PIK3C3: variants seen among roughly 807,000 people sequenced by gnomAD.
PIK3C3 encodes the protein PI3-kinase type 3.
PIK3C3 carries 95 observed loss-of-function variants against 126.1 expected under a neutral mutation model. The observed-to-expected ratio is 0.75, with a 90% CI of 0.64 to 0.89. PIK3C3 has a LOEUF of 0.89. Ranked by LOEUF, PIK3C3 falls within the 40% of genes least tolerant of loss-of-function variation. The pLI, the probability that PIK3C3 is intolerant of heterozygous loss-of-function variation, is 0.00. For synonymous variants in PIK3C3, 374 were observed against 360.0 expected (o/e 1.04, Z -0.44); for missense variants, 829 against 1,063.2 (o/e 0.78, Z 3.06).
At chr18:42,073,175 T>G (rs1214104320) in intron 24 of PIK3C3, among the ~76,000 whole-genome samples, 1 of 152,186 alleles carries the variant, frequency 6.6e-6, no homozygotes, top group African/African-American at 2.4e-5. Flanking sequence ...AAGTTCCAGC[T>G]CAAGATACTA....
intron 4 of PIK3C3, among the ~76,000 whole-genome samples, chr18:41,973,119 T>G (rs1390169820): frequency 6.6e-6 from 1 of 152,234 alleles, no homozygotes; most frequent in South Asian, 2.1e-4. Flanking sequence ...ATTGGGATTA[T>G]CTACCTGGGT....
intron 6 of PIK3C3, among the ~76,000 whole-genome samples, chr18:41,992,596 C>T (rs1321770125): frequency 6.6e-6 from 1 of 152,106 alleles, no homozygotes; most frequent in East Asian, 1.9e-4. Flanking sequence ...TGTTGAATTA[C>T]CTTTCTCACA....
chr18:41,981,636 A>G (rs1300453404), intron 4 of PIK3C3, among the ~76,000 whole-genome samples: 3 of 152,130 alleles, frequency 2.0e-5, no homozygotes, highest in African/African-American at 7.2e-5. Flanking sequence ...ATTATTTTAT[A>G]CAACTGCATT....
At position 42,084,260 on chromosome 18, in the gene PIK3C3, C is replaced by T. The variant is rs550332788; in HGVS notation, c.*3123C>T. 7.2e-5 allele frequency: 11 copies of T among 152,220 alleles called. No individual in the cohort carries two copies. The highest frequency in any genetic ancestry group is 1.3e-4 in the Non-Finnish European group (9 of 68,024). 9.4% of individuals were successfully genotyped at this position (152,220 alleles called of 1,614,324 possible). ...TAAACCAGATTGAGATTCTAAGGAG[C>T]ATTTTGTAAGTAATTACTAATGTTT... is the stretch of plus-strand genomic sequence containing the variant. On this transcript the variant is annotated 3_prime_UTR_variant, in exon 25 of 25. Transcript: ENST00000262039.
chr18:41,980,585 G>A (rs1292124785), intron 4 of PIK3C3, among the ~76,000 whole-genome samples: 1 of 152,092 alleles, frequency 6.6e-6, no homozygotes, highest in African/African-American at 2.4e-5. Flanking sequence ...GGAGGCTGAT[G>A]GAGGAGGATC....
intron 23 of PIK3C3, among the ~76,000 whole-genome samples, chr18:42,065,449 A>G (rs762556924): frequency 6.6e-6 from 1 of 152,256 alleles, no homozygotes; most frequent in Non-Finnish European, 1.5e-5. Flanking sequence ...CTGAAAGTAC[A>G]GTAGCTAAAA....
At chr18:41,964,943 T>C (rs527991165) in intron 3 of PIK3C3, among the ~76,000 whole-genome samples, 34 of 152,336 alleles carry the variant, frequency 2.2e-4, no homozygotes, top group African/African-American at 7.7e-4. Flanking sequence ...ATATTTGTTA[T>C]TAAAATTCAT....
In PIK3C3 at chr18:41,955,335, T is replaced by G; in HGVS notation, c.44T>G (p.Leu15Arg). 1 of 1,613,520 alleles carries G rather than the reference T, an allele frequency of 6.2e-7. No homozygotes were observed. Among genetic ancestry groups the G allele is most frequent in the Non-Finnish European group, 8.5e-7 (1 of 1,179,682 alleles). ...EKFHYIYSCD[L>R]DINVQLKIGS... Reference sequence around the variant, plus strand: ...TTTCACTACATCTATAGTTGTGACCTGGATATCAACGTCCAGCTTAAGATG... The same window carrying G: ...TTTCACTACATCTATAGTTGTGACCGGGATATCAACGTCCAGCTTAAGATG... The change falls in exon 1 of 25, where the codon CTG becomes CGG. Residue 15 changes from leucine to arginine, a missense_variant. Around this residue, in one of 4 missense-constraint regions of PIK3C3, gnomAD observed 313 missense variants for 340.7 expected, o/e 0.92. Transcript: ENST00000262039.
At chr18:42,021,482 C>G (rs1409228230) in intron 13 of PIK3C3, among the ~76,000 whole-genome samples, 1 of 152,120 alleles carries the variant, frequency 6.6e-6, no homozygotes, top group Non-Finnish European at 1.5e-5. Flanking sequence ...GATAAGAGGG[C>G]TTCATCTAAC....
chr18:42,057,271 A>G (rs953121530), intron 21 of PIK3C3, among the ~76,000 whole-genome samples: 7 of 112,606 alleles, frequency 6.2e-5, no homozygotes, highest in Non-Finnish European at 1.0e-4. Context: ...GATTTATACT[A>G]TACATTACTC....
intron 20 of PIK3C3, among the ~76,000 whole-genome samples, chr18:42,044,931 A>T (rs1227743732): frequency 6.6e-6 from 1 of 152,208 alleles, no homozygotes; most frequent in Admixed American, 6.5e-5. Context: ...TGTTAAGACT[A>T]TATTTAAACT....
chr18:41,985,243 T>G (rs2144342116), intron 4 of PIK3C3: 1 of 152,228 alleles, frequency 6.6e-6, no homozygotes, highest in Non-Finnish European at 1.5e-5. Context: ...AAAAAGATAA[T>G]GAGAAACAAT....
intron 16 of PIK3C3, among the ~76,000 whole-genome samples, chr18:42,037,035 A>C (rs1357832185): frequency 6.6e-6 from 1 of 152,216 alleles, no homozygotes; most frequent in African/African-American, 2.4e-5. Context: ...AACATAATTG[A>C]ATTTCAAGTT....
intron 2 of PIK3C3, among the ~76,000 whole-genome samples, chr18:41,959,781 G>A (rs1401654680): frequency 1.3e-5 from 2 of 151,968 alleles, no homozygotes; most frequent in Non-Finnish European, 2.9e-5. Flanking sequence ...GCAACAGAAC[G>A]AGACTCCATC....
chr18:42,034,898 C>G (rs1983981015), intron 16 of PIK3C3, among the ~76,000 whole-genome samples: 1 of 152,148 alleles, frequency 6.6e-6, no homozygotes, highest in Non-Finnish European at 1.5e-5. Flanking sequence ...AAGTGTGTTT[C>G]AAGGCAACCT....
intron 2 of PIK3C3, among the ~76,000 whole-genome samples, chr18:41,958,770 A>G (rs1979927985): frequency 6.6e-6 from 1 of 151,724 alleles, no homozygotes; most frequent in Non-Finnish European, 1.5e-5. Flanking sequence ...CACATAAAAA[A>G]TATATATATA....
intron 13 of PIK3C3, among the ~76,000 whole-genome samples, chr18:42,022,734 C>G (rs929189456): frequency 6.6e-6 from 1 of 152,036 alleles, no homozygotes; most frequent in Non-Finnish European, 1.5e-5. Flanking sequence ...ATTCATAAAA[C>G]TACATTTTCC....
At chr18:42,035,059 CCTATTGGTTTTAAAA>C (rs1983988214) in intron 16 of PIK3C3, among the ~76,000 whole-genome samples, 1 of 152,056 alleles carries the variant, frequency 6.6e-6, no homozygotes. Flanking sequence ...TTGCTTACAA[CCTATTGGTTTTAAAA>C]CTCTCTAACA....
At chr18:42,002,777 G>A (rs998039618) in intron 9 of PIK3C3, among the ~76,000 whole-genome samples, 2 of 152,146 alleles carry the variant, frequency 1.3e-5, no homozygotes, top group East Asian at 3.8e-4. Context: ...AGAGAAACTC[G>A]TATTTAGTTT....
Sources: allele counts gnomAD v4.1 joint callset (sites outside exome capture counted in the v4.1 genomes callset), GRCh38; gene constraint gnomAD v4.1.1; regional missense constraint gnomAD v4.1.1; transcripts MANE v1.5; gene names NCBI Gene and HGNC (gene_info 2026-07-23, HGNC 2026-07-21).